Variants in DLG2 observed in about 807,000 individuals in gnomAD.
DLG2 encodes the protein disks large homolog 2.
A neutral mutation model predicts 132.5 loss-of-function variants in DLG2; 45 were observed. The ratio of observed to expected loss-of-function variants is 0.34; its 90% CI spans 0.27 to 0.44. The LOEUF (loss-of-function observed/expected upper bound fraction) is 0.44. Ranked by LOEUF, DLG2 falls within the 20% of genes least tolerant of loss-of-function variation. The pLI, the probability that DLG2 is intolerant of heterozygous loss-of-function variation, is 1.00. For synonymous variants in DLG2, 424 were observed against 419.6 expected (o/e 1.01, Z -0.13); for missense variants, 1,045 against 1,196.9 (o/e 0.87, Z 1.87).
intron 6 of DLG2, among the ~76,000 whole-genome samples, chr11:84,859,516 GA>G (rs963769750): frequency 1.4e-5 from 2 of 147,328 alleles, no homozygotes; most frequent in African/African-American, 5.0e-5. Flanking sequence ...AACTTATATT[GA>G]AAAAGTCAAA....
At chr11:85,289,272 C>T (rs931248696) in intron 3 of DLG2, among the ~76,000 whole-genome samples, 1 of 151,950 alleles carries the variant, frequency 6.6e-6, no homozygotes, top group Non-Finnish European at 1.5e-5. Context: ...TCTTTTGCAC[C>T]CTCTTTCCTC....
intron 18 of DLG2, among the ~76,000 whole-genome samples, chr11:83,723,960 C>G (rs1295471403): frequency 6.6e-6 from 1 of 152,182 alleles, no homozygotes; most frequent in Non-Finnish European, 1.5e-5. Context: ...ATTCAGCTAA[C>G]CATGAGAGAG....
intron 11 of DLG2, among the ~76,000 whole-genome samples, chr11:84,022,653 A>G (rs898915841): frequency 2.0e-5 from 3 of 152,340 alleles, no homozygotes; most frequent in Middle Eastern, 3.4e-3. Context: ...ATATCTTTTA[A>G]TACTGAAAGA....
At chr11:85,379,237 C>G (rs992565322) in intron 3 of DLG2, among the ~76,000 whole-genome samples, 1 of 152,028 alleles carries the variant, frequency 6.6e-6, no homozygotes, top group Non-Finnish European at 1.5e-5. Flanking sequence ...TGTTAGACTC[C>G]CTAGCTCTGT....
At chr11:85,077,483 G>T (rs2066696089) in intron 6 of DLG2, among the ~76,000 whole-genome samples, 1 of 151,788 alleles carries the variant, frequency 6.6e-6, no homozygotes, top group African/African-American at 2.4e-5. Flanking sequence ...TTTTTATGTT[G>T]TGTCTTTTCT....
chr11:83,564,099 T>C (rs1400965122), intron 19 of DLG2, among the ~76,000 whole-genome samples: 1 of 125,344 alleles, frequency 8.0e-6, no homozygotes, highest in African/African-American at 3.1e-5. Flanking sequence ...TAATTTTTCA[T>C]GTGTTTTTTT....
At chr11:83,838,348 A>G (rs2056769026) in intron 16 of DLG2, among the ~76,000 whole-genome samples, 1 of 152,210 alleles carries the variant, frequency 6.6e-6, no homozygotes, top group African/African-American at 2.4e-5. Flanking sequence ...GTTTATAATG[A>G]AATTATGAGT....
intron 6 of DLG2, among the ~76,000 whole-genome samples, chr11:84,908,918 C>G (rs2091814755): frequency 6.6e-6 from 1 of 151,550 alleles, no homozygotes; most frequent in African/African-American, 2.4e-5. Flanking sequence ...GCTGAAGAAA[C>G]AAAGGCTAAG....
intron 3 of DLG2, among the ~76,000 whole-genome samples, chr11:85,547,059 G>A (rs535299282): frequency 6.6e-6 from 1 of 152,046 alleles, no homozygotes; most frequent in Non-Finnish European, 1.5e-5. Flanking sequence ...ATGCCAGCTG[G>A]TTATTTTGCC....
At chr11:85,041,060 G>T (rs950538494) in intron 6 of DLG2, among the ~76,000 whole-genome samples, 1 of 151,566 alleles carries the variant, frequency 6.6e-6, no homozygotes, top group African/African-American at 2.4e-5. Flanking sequence ...GGGGAACAGG[G>T]GTCCAATTAT....
chr11:84,648,442 G>C (rs1445458935), intron 6 of DLG2, among the ~76,000 whole-genome samples: 4 of 152,160 alleles, frequency 2.6e-5, no homozygotes, highest in Admixed American at 6.5e-5. Flanking sequence ...TGAAATCTAA[G>C]GGGAAGACTG....
chr11:85,459,331 C>G (rs758366310), intron 3 of DLG2, among the ~76,000 whole-genome samples: 1 of 151,996 alleles, frequency 6.6e-6, no homozygotes, highest in Admixed American at 6.6e-5. Context: ...AGTGGGGGTT[C>G]GAGTGCTCAC....
chr11:85,607,505 C>A (rs1000249507), intron 2 of DLG2, among the ~76,000 whole-genome samples: 3 of 152,254 alleles, frequency 2.0e-5, no homozygotes, highest in African/African-American at 7.2e-5. Context: ...TCTCACCTGT[C>A]TTCTCCAAGG....
chr11:84,899,435 A>C (rs892463696), intron 6 of DLG2, among the ~76,000 whole-genome samples: 3 of 152,042 alleles, frequency 2.0e-5, no homozygotes, highest in Non-Finnish European at 4.4e-5. Context: ...AATGTTGGTA[A>C]TCTCACTTGC....
At chr11:85,548,656 G>A (rs954046614) in intron 3 of DLG2, among the ~76,000 whole-genome samples, 1 of 152,200 alleles carries the variant, frequency 6.6e-6, no homozygotes, top group African/African-American at 2.4e-5. Flanking sequence ...CCCTGACTGG[G>A]GCTGTGCCTG....
At chr11:84,855,178 G>A (rs1304160068) in intron 6 of DLG2, among the ~76,000 whole-genome samples, 1 of 151,926 alleles carries the variant, frequency 6.6e-6, no homozygotes, top group African/African-American at 2.4e-5. Flanking sequence ...ACTGCTACTG[G>A]CATAAACAGA....
chr11:84,291,794 C>A (rs2098002964), intron 7 of DLG2, among the ~76,000 whole-genome samples: 1 of 152,164 alleles, frequency 6.6e-6, no homozygotes, highest in South Asian at 2.1e-4. Context: ...TATCTTCAGT[C>A]TCACACAGTT....
At chr11:84,735,508 T>C (rs1050436604) in intron 6 of DLG2, among the ~76,000 whole-genome samples, 2 of 152,174 alleles carry the variant, frequency 1.3e-5, no homozygotes, top group African/African-American at 4.8e-5. Context: ...TTTTATTGCA[T>C]CTATTTGATT....
At chr11:84,645,338 T>A (rs1254462019) in intron 6 of DLG2, among the ~76,000 whole-genome samples, 1 of 152,226 alleles carries the variant, frequency 6.6e-6, no homozygotes, top group Non-Finnish European at 1.5e-5. Context: ...TAAAGGGGCC[T>A]AAAATAAGGT....
Sources: gnomAD v4.1 joint callset for allele counts (sites outside exome capture counted in the v4.1 genomes callset) on GRCh38, gnomAD v4.1.1 for gene constraint, MANE v1.5 for transcripts, NCBI Gene and HGNC (gene_info 2026-07-23, HGNC 2026-07-21) for gene names.